IFITM2: variants seen among roughly 807,000 people sequenced by gnomAD.
The protein encoded by IFITM2 is interferon induced transmembrane protein 2, also known as interferon-induced transmembrane protein 2.
IFITM2 carries 3 observed loss-of-function variants against 5.9 expected under a neutral mutation model. The observed-to-expected ratio is 0.51, with a 90% confidence interval of 0.23 to 1.32. IFITM2 has a LOEUF of 1.32. Among genes scored for constraint, IFITM2 ranks in the 40% most tolerant of loss-of-function variants. IFITM2 has a pLI of 0.18. For synonymous variants in IFITM2, 76 were observed against 72.4 expected, an observed-to-expected ratio of 1.05 and a Z score of -0.25; for missense variants, 159 against 175.9, an observed-to-expected ratio of 0.90 and a Z score of 0.54.
Position 309,200 on chromosome 11 carries a change from C to T in IFITM2, c.*35C>T, listed in dbSNP as rs780238492. On this transcript the variant is annotated 3_prime_UTR_variant, in exon 2 of 2. Transcript: ENST00000616316. ...CATCATTGAGGCCAGGAGCTCTGCC[C>T]GTGACCTGTATCCCACGTACTCTAT... The T allele has an allele frequency of 2.5e-6, 4 of 1,614,078 alleles. No homozygotes were observed. The highest frequency in any genetic ancestry group is 1.1e-5 in the South Asian group (1 of 91,066).
At position 308,308 on chromosome 11, in the gene IFITM2, C is replaced by T. The variant is rs775041105; in HGVS notation, c.116C>T (p.Pro39Leu). 8 of 1,613,370 alleles carry T rather than the reference C, an allele frequency of 5.0e-6. No homozygotes were observed. In the South Asian group the frequency reaches 7.7e-5, roughly 16 times the overall value. The part of the protein sequence containing the change: ...AMLGVPHNPA[P>L]PMSTVIHIRS... ...CTGGGGGTGCCCCACAACCCTGCTC[C>T]CCCGATGTCCACCGTGATCCACATC... is the stretch of plus-strand genomic sequence containing the variant. Residue 39 changes from proline to leucine, a missense_variant, in exon 1 of 2, where the codon CCC becomes CTC. Transcript: ENST00000616316.
Position 308,162 on chromosome 11 carries a change from C to T in IFITM2, c.-31C>T. 6.2e-7 allele frequency: 1 copy of T among 1,606,666 alleles called. No individual in the cohort carries two copies. The highest frequency in any genetic ancestry group is 8.5e-7 in the Non-Finnish European group (1 of 1,174,090). On this transcript the variant is annotated 5_prime_UTR_variant, in exon 1 of 2. Transcript: ENST00000616316. ...GGGAAAGGGAGGGCTCACTGAGAACCATCCCGGTAACCCGATCACCGCTGG... is the reference window on the plus strand; with the variant it reads ...GGGAAAGGGAGGGCTCACTGAGAACTATCCCGGTAACCCGATCACCGCTGG...
chr11:308,599 CTG>C (rs965377464), intron 1 of IFITM2, among the ~76,000 whole-genome samples, 161 bp downstream of exon 1: 2 of 151,710 alleles, frequency 1.3e-5, no homozygotes, highest in East Asian at 1.9e-4. Flanking sequence ...TCTGTGTGAT[CTG>C]TGTGTGTGTG....
In IFITM2 at chr11:308,192, C is replaced by T; in HGVS notation, c.-1C>T. On this transcript the variant is annotated 5_prime_UTR_variant, in exon 1 of 2. Transcript: ENST00000616316. ...CGGTAACCCGATCACCGCTGGTCAC[C>T]ATGAACCACATTGTGCAAACCTTCT... 8 of 1,613,722 alleles carry T rather than the reference C, an allele frequency of 5.0e-6. No homozygotes were observed. In the Admixed American group the frequency reaches 8.3e-5, roughly 17 times the overall value.
rs1213740763 is a variant in IFITM2, at chr11:308,177, A to ACCGCCGCTGG, written c.-16_-15insCCGCCGCTGG. 5.6e-6 allele frequency: 9 copies of ACCGCCGCTGG among 1,609,308 alleles called. No homozygotes were observed. The African/African-American group carries it at 1.2e-4, about 21-fold the overall frequency. On this transcript the variant is annotated 5_prime_UTR_variant, in exon 1 of 2. Coordinates refer to ENST00000616316, the MANE Select transcript of IFITM2 (RefSeq NM_006435.3). The stretch of plus-strand genomic sequence containing the variant: ...CACTGAGAACCATCCCGGTAACCCG[A>ACCGCCGCTGG]TCACCGCTGGTCACCATGAACCACA...
Position 307,984 on chromosome 11 carries a change from A to G in IFITM2, c.-209A>G, listed in dbSNP as rs559325688. The stretch of plus-strand genomic sequence containing the variant: ...AGACTTGTGCTCCTTTGGGCTCTAG[A>G]GAGGAAGCCCCTCTTAGCCCTCAGC... On this transcript the variant is annotated 5_prime_UTR_variant, in exon 1 of 2. Transcript: ENST00000616316. The G allele has an allele frequency of 3.4e-6, 2 of 592,410 alleles. No homozygotes were observed. Among genetic ancestry groups the G allele is most frequent in the South Asian group, 2.0e-5 (1 of 49,636 alleles). 36.7% of individuals were successfully genotyped at this position (592,410 alleles called of 1,614,324 possible). A position where few individuals can be genotyped will look rare whatever the true frequency, so the allele number is the denominator to read the frequency against.
At position 309,140 on chromosome 11, in the gene IFITM2, T is replaced by C. The variant is rs774725597; in HGVS notation, c.374T>C (p.Val125Ala). ...ACCATTCTGCTCATCATCATCCCAG[T>C]GTTGGTCGTCCAGGCCCAGCGATAG... is the stretch of plus-strand genomic sequence containing the variant. The part of the protein sequence containing the change: ...FMTILLIIIP[V>A]LVVQAQR Residue 125 changes from valine to alanine, a missense_variant, in exon 2 of 2, where the codon GTG becomes GCG. By Grantham distance (64) the Val-to-Ala change is moderately conservative. Transcript: ENST00000616316. 12 of 1,614,174 alleles carry C rather than the reference T, an allele frequency of 7.4e-6. No homozygotes were observed. Among genetic ancestry groups the C allele is most frequent in the Non-Finnish European group, 1.0e-5 (12 of 1,180,024 alleles).
chr11:308,237 G>C lies in IFITM2; in HGVS notation c.45G>C (p.Gln15His). ...CCTTCTCTCCTGTCAACAGCGGCCA[G>C]CCTCCCAACTACGAGATGCTCAAGG... ...VQTFSPVNSG[Q>H]PPNYEMLKEE... The change falls in exon 1 of 2, where the codon CAG becomes CAC. Residue 15 changes from glutamine to histidine, a missense_variant. Gln to His is a conservative substitution (Grantham distance 24, BLOSUM62 0). Transcript: ENST00000616316. 1 of 1,614,122 alleles carries C rather than the reference G, an allele frequency of 6.2e-7. No individual in the cohort carries two copies. The highest frequency in any genetic ancestry group is 1.1e-5 in the South Asian group (1 of 91,078).
chr11:308,890 G>A, intron 1 of IFITM2, 123 bp from the exon 2 acceptor site: 1 of 1,487,564 alleles, frequency 6.7e-7, no homozygotes, highest in Non-Finnish European at 9.2e-7. Flanking sequence ...TCTGAGCCGG[G>A]TGAGGAAGGG....
Position 308,242 on chromosome 11 carries a change from C to A in IFITM2, c.50C>A (p.Pro17His), listed in dbSNP as rs371736596. Residue 17 changes from proline (P) to histidine (H), a missense_variant, in exon 1 of 2, where the codon CCC (proline) becomes CAC (histidine). By Grantham distance (77) the Pro-to-His change is moderately conservative. Coordinates refer to ENST00000616316, the MANE Select transcript of IFITM2 (RefSeq NM_006435.3). ...TCTCCTGTCAACAGCGGCCAGCCTCCCAACTACGAGATGCTCAAGGAGGAG... is the reference window on the plus strand; with the variant it reads ...TCTCCTGTCAACAGCGGCCAGCCTCACAACTACGAGATGCTCAAGGAGGAG... ...TFSPVNSGQP[P>H]NYEMLKEEQE... The A allele has an allele frequency of 1.4e-5, 22 of 1,614,166 alleles. No individual in the cohort carries two copies. The African/African-American group carries it at 2.7e-4, about 20-fold the overall frequency.
rs878941295 is a variant in IFITM2, at chr11:308,518, G to A, written c.246+80G>A. The A allele has an allele frequency of 4.6e-5, 72 of 1,573,638 alleles. 1 individual carries two copies. Among genetic ancestry groups the A allele is most frequent in the Non-Finnish European group, 1.8e-5 (21 of 1,149,036 alleles). On this transcript the variant is annotated intron_variant, in intron 1 of 1. Transcript: ENST00000616316. ...CTGCCCACATGCTGCCTGGGGTGGG[G>A]ACTTGTGTGTCCCTGTGACTGTGAG...
Position 309,071 on chromosome 11 carries a change from C to T in IFITM2, c.305C>T (p.Ala102Val). 1 of 1,614,232 alleles carries T rather than the reference C, an allele frequency of 6.2e-7. No homozygotes were observed. Among genetic ancestry groups the T allele is most frequent in the Non-Finnish European group, 8.5e-7 (1 of 1,180,030 alleles). ...GGGGCCCAGGCCTATGCCTCCACCG[C>T]CAAGTGCCTGAACATCTGGGCCCTG... ...VTGAQAYAST[A>V]KCLNIWALIL... The change falls in exon 2 of 2, where the codon GCC (alanine) becomes GTC (valine). Residue 102 changes from alanine (A) to valine (V), a missense_variant. By Grantham distance (64) the Ala-to-Val change is moderately conservative (BLOSUM62 0). Transcript: ENST00000616316.
rs1410862744 is a variant in IFITM2, at chr11:308,187, G to A, written c.-6G>A. On this transcript the variant is annotated 5_prime_UTR_variant, in exon 1 of 2. Coordinates refer to ENST00000616316, the MANE Select transcript of IFITM2 (RefSeq NM_006435.3). ...CATCCCGGTAACCCGATCACCGCTG[G>A]TCACCATGAACCACATTGTGCAAAC... 1.2e-6 allele frequency: 2 copies of A among 1,611,686 alleles called. No homozygotes were observed. Among genetic ancestry groups the A allele is most frequent in the Non-Finnish European group, 1.7e-6 (2 of 1,178,048 alleles).
Position 308,105 on chromosome 11 carries a change from A to G in IFITM2, c.-88A>G. 6.5e-7 allele frequency: 1 copy of G among 1,536,384 alleles called. No homozygotes were observed. The highest frequency in any genetic ancestry group is 8.9e-7 in the Non-Finnish European group (1 of 1,126,018). ...AGCTCTGCATTTGACAAATGCCAGG[A>G]AGAGGAAACTGTTGAGAAAACGGAA... On this transcript the variant is annotated 5_prime_UTR_variant, in exon 1 of 2. Coordinates refer to ENST00000616316, the MANE Select transcript of IFITM2 (RefSeq NM_006435.3).
chr11:308,931 A>T (rs1374441771), intron 1 of IFITM2, 82 bp from the exon 2 acceptor site: 59 of 1,600,704 alleles, frequency 3.7e-5, no homozygotes, highest in Middle Eastern at 2.2e-4. Flanking sequence ...CAGGGCAGGG[A>T]GGAGACAGTG....
In IFITM2 at chr11:308,344, C is replaced by T. The variant is rs1845989218; in HGVS notation, c.152C>T (p.Thr51Ile). 8 of 1,613,682 alleles carry T rather than the reference C, an allele frequency of 5.0e-6. No individual in the cohort carries two copies. In the East Asian group the frequency reaches 1.8e-4, roughly 36 times the overall value. Reference protein sequence around the residue: ...MSTVIHIRSETSVPDHVVWSL... With the variant: ...MSTVIHIRSEISVPDHVVWSL... ...ACCGTGATCCACATCCGCAGCGAGA[C>T]CTCCGTGCCTGACCATGTGGTCTGG... Residue 51 changes from threonine to isoleucine, a missense_variant, in exon 1 of 2, where the codon ACC (threonine) becomes ATC (isoleucine). Physicochemically the swap from Thr to Ile is moderately conservative, Grantham distance 89 (BLOSUM62 -1). Coordinates refer to ENST00000616316, the MANE Select transcript of IFITM2 (RefSeq NM_006435.3).
At chr11:308,864 C>G (rs1429629680) in intron 1 of IFITM2, 149 bp from the exon 2 acceptor site, 84 of 1,216,818 alleles carry the variant, frequency 6.9e-5, no homozygotes, top group Non-Finnish European at 9.4e-5. Flanking sequence ...GGATGAGCCC[C>G]GAGGCTCCTG....
Position 308,948 on chromosome 11 carries a change from T to C in IFITM2, c.247-65T>C, listed in dbSNP as rs1366929712. 6 of 1,603,770 alleles carry C rather than the reference T, an allele frequency of 3.7e-6. No individual in the cohort carries two copies. The East Asian group carries it at 8.9e-5, about 24-fold the overall frequency. The stretch of plus-strand genomic sequence containing the variant: ...GGGCAGGGAGGAGACAGTGAGGAGC[T>C]GGAGCCATAGCACGCGGCTCTCAGC... On this transcript the variant is annotated intron_variant, in intron 1 of 1. Coordinates refer to ENST00000616316, the MANE Select transcript of IFITM2 (RefSeq NM_006435.3).
rs747098995 is a variant in IFITM2, at chr11:308,340, G to A, written c.148G>A (p.Glu50Lys). Residue 50 changes from glutamate (E) to lysine (K), a missense_variant, in exon 1 of 2, where the codon GAG (glutamate) becomes AAG (lysine). By Grantham distance (56) the Glu-to-Lys change is moderately conservative. Coordinates refer to ENST00000616316, the MANE Select transcript of IFITM2 (RefSeq NM_006435.3). ...PMSTVIHIRS[E>K]TSVPDHVVWS... ...GTCCACCGTGATCCACATCCGCAGC[G>A]AGACCTCCGTGCCTGACCATGTGGT... 1.7e-5 allele frequency: 28 copies of A among 1,613,664 alleles called. No individual in the cohort carries two copies. The highest frequency in any genetic ancestry group is 6.6e-5 in the South Asian group (6 of 91,052).
Sources: gnomAD v4.1 joint callset for allele counts (sites outside exome capture counted in the v4.1 genomes callset) on GRCh38, gnomAD v4.1.1 for gene constraint, MANE v1.5 for transcripts, NCBI Gene and HGNC (gene_info 2026-07-23, HGNC 2026-07-21) for gene names.